The following GRK7 variants were observed in gnomAD, a reference collection of about 807,000 sequenced individuals.
The protein encoded by GRK7 is G protein-coupled receptor kinase 7, also known as rhodopsin kinase GRK7.
A neutral mutation model predicts 34.1 loss-of-function variants in GRK7; 24 were observed. The ratio of observed to expected loss-of-function variants is 0.70; its 90% CI spans 0.51 to 0.99. The LOEUF (loss-of-function observed/expected upper bound fraction) is 0.99. Ranked by LOEUF, GRK7 falls within the 50% of genes least tolerant of loss-of-function variation. The pLI, the probability that GRK7 is intolerant of heterozygous loss-of-function variation, is 0.00. For synonymous variants in GRK7, 256 were observed against 279.4 expected (o/e 0.92, Z 0.84); for missense variants, 644 against 707.3 (o/e 0.91, Z 1.02).
chr3:141,787,843 T>TAAA (rs11396159), intron 4 of GRK7, among the ~76,000 whole-genome samples: 2,583 of 135,416 alleles, frequency 0.019, 46 homozygotes, highest in East Asian at 0.072. Context: ...CTTTGTCTCT[T>TAAA]AAAAAAAAAA....
At chr3:141,792,835 G>A (rs2084731134) in intron 4 of GRK7, among the ~76,000 whole-genome samples, 1 of 152,206 alleles carries the variant, frequency 6.6e-6, no homozygotes, top group African/African-American at 2.4e-5. Flanking sequence ...AAAAGCCAAG[G>A]TAGGATTAGA....
At chr3:141,806,163 G>A (rs556432536) in intron 4 of GRK7, among the ~76,000 whole-genome samples, 11 of 152,202 alleles carry the variant, frequency 7.2e-5, no homozygotes, top group African/African-American at 2.4e-4. Context: ...TTTCTTCTGA[G>A]TCTCTTCTTT....
chr3:141,767,255 T>C (rs2084593405), intron 1 of GRK7, among the ~76,000 whole-genome samples: 1 of 152,210 alleles, frequency 6.6e-6, no homozygotes, highest in South Asian at 2.1e-4. Context: ...AGGTCAGGCT[T>C]CCTGTTGATA....
intron 4 of GRK7, among the ~76,000 whole-genome samples, chr3:141,784,036 TG>T (rs1420030154): frequency 3.9e-5 from 6 of 152,202 alleles, no homozygotes; most frequent in African/African-American, 1.4e-4. Flanking sequence ...GAGTCGCCCA[TG>T]GACATGTATC....
the GRK7 span, among the ~76,000 whole-genome samples, chr3:141,753,336 TC>T: frequency 2.0e-5 from 3 of 152,244 alleles, no homozygotes; most frequent in East Asian, 5.8e-4. Context: ...TTCGTGGTGT[TC>T]TATACAATTT....
chr3:141,781,444 G>A (rs2084671976), intron 4 of GRK7, among the ~76,000 whole-genome samples: 1 of 151,788 alleles, frequency 6.6e-6, no homozygotes, highest in East Asian at 1.9e-4. Flanking sequence ...GGTTGAGGCA[G>A]GAGAATCGCT....
intron 4 of GRK7, among the ~76,000 whole-genome samples, chr3:141,787,354 T>C (rs190393356): frequency 1.9e-4 from 29 of 152,324 alleles, no homozygotes; most frequent in Admixed American, 5.2e-4. Flanking sequence ...CTGGGTGCTA[T>C]GGCTGATGCC....
At position 141,814,920 on chromosome 3, in the gene GRK7, G is replaced by GTTT. The variant is rs33965909; in HGVS notation, c.1326-1775_1326-1773dup. 1.2e-3 allele frequency among the ~76,000 whole-genome samples: 144 copies of GTTT among 120,364 alleles called. 1 individual carries two copies. The highest frequency in any genetic ancestry group is 2.0e-3 in the East Asian group (8 of 4,048). The allele number at this position is 120,364 out of a possible 152,430, so 79.0% of individuals were successfully genotyped here. A position where few individuals can be genotyped will look rare whatever the true frequency, so the allele number is the denominator to read the frequency against. ...GTTTGTTTGGTTGGTTTGTTGGTTG[G>GTTT]TTTTTTTTTTTTTTTTTTTTTAGAG... On this transcript the variant is annotated intron_variant, in intron 5 of 5. Coordinates refer to ENST00000682958, the MANE Select transcript of GRK7 (RefSeq NM_139209.3).
At chr3:141,807,437 C>T (rs547302616) in intron 4 of GRK7, among the ~76,000 whole-genome samples, 1 of 152,244 alleles carries the variant, frequency 6.6e-6, no homozygotes, top group Non-Finnish European at 1.5e-5. Context: ...CAAAACGGGT[C>T]GCATGGCCTC....
At chr3:141,755,509 G>C in the GRK7 span, among the ~76,000 whole-genome samples, 118,841 of 152,224 alleles carry the variant, frequency 0.78, 47,433 homozygotes, top group African/African-American at 0.95. Flanking sequence ...TATTAAAGAG[G>C]TGGATATTGG....
intron 1 of GRK7, among the ~76,000 whole-genome samples, chr3:141,771,678 T>C (rs1490547214): frequency 1.3e-5 from 2 of 150,706 alleles, no homozygotes; most frequent in African/African-American, 5.0e-5. Flanking sequence ...ACTGTGCTTG[T>C]ACCTCCCAAA....
intron 5 of GRK7, among the ~76,000 whole-genome samples, chr3:141,810,547 C>A (rs2107895564): frequency 6.6e-6 from 1 of 152,282 alleles, no homozygotes; most frequent in Admixed American, 6.5e-5. Context: ...CAGAGTCTTG[C>A]TCTGCTGCCC....
intron 1 of GRK7, among the ~76,000 whole-genome samples, chr3:141,767,634 C>T (rs996593323): frequency 2.6e-5 from 4 of 152,188 alleles, no homozygotes; most frequent in African/African-American, 9.7e-5. Context: ...CTCCTGACCT[C>T]AGGCGATCCA....
chr3:141,775,329 G>A (rs2084634193), intron 2 of GRK7, among the ~76,000 whole-genome samples: 1 of 152,102 alleles, frequency 6.6e-6, no homozygotes, highest in South Asian at 2.1e-4. Context: ...AGAGGTTGCA[G>A]TGAGCTAAGA....
upstream of GRK7, among the ~76,000 whole-genome samples, chr3:141,758,920 G>A (rs2084542112): frequency 1.4e-5 from 2 of 147,804 alleles, no homozygotes; most frequent in South Asian, 4.3e-4. Context: ...TGAAGCAATT[G>A]TGAATGGGAG....
intron 4 of GRK7, among the ~76,000 whole-genome samples, chr3:141,801,138 G>A (rs1005627183): frequency 7.3e-5 from 11 of 151,700 alleles, no homozygotes; most frequent in South Asian, 2.1e-4. Flanking sequence ...GTGAAACCCC[G>A]TCTCTACTAA....
intron 5 of GRK7, 29 bp downstream of exon 5, chr3:141,807,948 C>T (rs1409453448): frequency 1.3e-6 from 2 of 1,543,908 alleles, no homozygotes; most frequent in Admixed American, 2.0e-5. Context: ...GAGAGGATTG[C>T]TGACACCAGT....
chr3:141,770,097 T>G (rs911213748), intron 1 of GRK7, among the ~76,000 whole-genome samples: 2 of 152,068 alleles, frequency 1.3e-5, no homozygotes, highest in Admixed American at 6.6e-5. Context: ...GTATTTTTAG[T>G]AAAGACGGGG....
chr3:141,785,414 C>A (rs912131978), intron 4 of GRK7, among the ~76,000 whole-genome samples: 1 of 152,082 alleles, frequency 6.6e-6, no homozygotes, highest in Admixed American at 6.6e-5. Flanking sequence ...GCACTTTGGG[C>A]CCAGGAGGAC....
Sources: allele counts gnomAD v4.1 joint callset (sites outside exome capture counted in the v4.1 genomes callset), GRCh38; gene constraint gnomAD v4.1.1; transcripts MANE v1.5; gene names NCBI Gene and HGNC (gene_info 2026-07-23, HGNC 2026-07-21).